NAALADL2: variants seen among roughly 807,000 people sequenced by gnomAD.
The protein encoded by NAALADL2 is inactive N-acetylated-alpha-linked acidic dipeptidase-like protein 2.
In NAALADL2, 76 loss-of-function variants were observed where a neutral mutation model predicts 87.2. The observed-to-expected ratio is 0.87, with a 90% confidence interval of 0.72 to 1.05. The LOEUF (loss-of-function observed/expected upper bound fraction) is 1.05, where lower values mean the gene tolerates loss of function less well. NAALADL2 is among the 50% of genes least tolerant of loss of function. The probability of loss-of-function intolerance (pLI) is 0.00; values close to 1 mark genes in which losing one functional copy is unlikely to be tolerated. For missense variants in NAALADL2, 1,089 were observed against 945.8 expected (o/e 1.15, Z -1.99); for synonymous variants, 354 against 331.0 (o/e 1.07, Z -0.75).
intron 2 of NAALADL2, among the ~76,000 whole-genome samples, chr3:175,107,529 CACACAA>C (rs1723400143): frequency 2.0e-5 from 3 of 151,310 alleles, no homozygotes; most frequent in African/African-American, 4.9e-5. Flanking sequence ...CACACACACA[CACACAA>C]ACACACACAC....
At chr3:174,545,207 T>C (rs1019133472) in intron 1 of NAALADL2, among the ~76,000 whole-genome samples, 37 of 152,320 alleles carry the variant, frequency 2.4e-4, no homozygotes, top group Admixed American at 1.2e-3. Context: ...GTCGAATTCA[T>C]AAAATAACCC....
At chr3:175,069,689 A>G (rs1238433809) in intron 1 of NAALADL2, among the ~76,000 whole-genome samples, 1,804 of 149,554 alleles carry the variant, frequency 0.012, 16 homozygotes, top group Non-Finnish European at 0.018. Flanking sequence ...TATAAATCAT[A>G]CTGCTATAAA....
intron 2 of NAALADL2, among the ~76,000 whole-genome samples, chr3:174,624,610 C>T (rs572418527): frequency 3.1e-5 from 4 of 130,484 alleles, no homozygotes; most frequent in Admixed American, 8.3e-5. Flanking sequence ...GGCGACAGAG[C>T]GAGACTCCAT....
intron 2 of NAALADL2, among the ~76,000 whole-genome samples, chr3:175,183,979 C>A (rs1310060467): frequency 7.3e-6 from 1 of 136,324 alleles, no homozygotes; most frequent in South Asian, 2.4e-4. Flanking sequence ...GACTGTTTCC[C>A]TTTATTTTTC....
At chr3:174,635,596 G>A (rs537615230) in intron 2 of NAALADL2, among the ~76,000 whole-genome samples, 18 of 150,880 alleles carry the variant, frequency 1.2e-4, no homozygotes, top group Non-Finnish European at 2.2e-4. Flanking sequence ...TCTGCCTCCC[G>A]GGTTCCAGCA....
At chr3:174,998,656 C>T (rs926618982) in intron 1 of NAALADL2, among the ~76,000 whole-genome samples, 3 of 152,148 alleles carry the variant, frequency 2.0e-5, no homozygotes, top group Admixed American at 6.5e-5. Flanking sequence ...AAGTAATCTG[C>T]ATGTTGAGTC....
rs983581933 is a variant in NAALADL2, at chr3:175,363,092, G to A, written c.1090+38767G>A. On this transcript the variant is annotated intron_variant, in intron 5 of 13. Transcript: ENST00000454872. The stretch of plus-strand genomic sequence containing the variant: ...CTTGTTGTATTCTCTTATCTTGTTT[G>A]TTTGTTTCTGTCCCTGGAATGTACC... Among the ~76,000 whole-genome samples, 3 of 147,072 alleles carry A rather than the reference G, an allele frequency of 2.0e-5. 1 individual carries two copies. The highest frequency in any genetic ancestry group is 4.5e-5 in the Non-Finnish European group (3 of 66,324).
At chr3:174,682,527 C>T (rs1399992938) in intron 2 of NAALADL2, among the ~76,000 whole-genome samples, 1 of 152,158 alleles carries the variant, frequency 6.6e-6, no homozygotes, top group South Asian at 2.1e-4. Context: ...TGTTTTACCC[C>T]TCCCCCAACT....
chr3:174,752,859 G>A (rs1734974136), intron 3 of NAALADL2, among the ~76,000 whole-genome samples: 1 of 152,124 alleles, frequency 6.6e-6, no homozygotes, highest in South Asian at 2.1e-4. Context: ...ATATAAAATA[G>A]CATGGCATCT....
intron 3 of NAALADL2, among the ~76,000 whole-genome samples, chr3:174,825,061 T>C (rs555240215): frequency 1.3e-5 from 2 of 152,326 alleles, no homozygotes; most frequent in East Asian, 3.9e-4. Context: ...TTTTTATCTC[T>C]AGGCTTTCTC....
chr3:175,411,755 G>A (rs566587477), intron 5 of NAALADL2, among the ~76,000 whole-genome samples: 1 of 152,024 alleles, frequency 6.6e-6, no homozygotes, highest in Non-Finnish European at 1.5e-5. Context: ...TTTTAATTTT[G>A]TCTGGTAATG....
intron 6 of NAALADL2, among the ~76,000 whole-genome samples, chr3:175,448,424 T>C (rs1721032605): frequency 6.6e-6 from 1 of 152,130 alleles, no homozygotes; most frequent in South Asian, 2.1e-4. Flanking sequence ...AATAATAGTG[T>C]AGTTGTAAGA....
chr3:175,282,431 T>G (rs1019523196), intron 4 of NAALADL2, among the ~76,000 whole-genome samples: 2 of 152,072 alleles, frequency 1.3e-5, no homozygotes, highest in Non-Finnish European at 2.9e-5. Flanking sequence ...CTTTTACAAT[T>G]TTAAAACCAC....
chr3:175,668,339 T>A (rs998441321), intron 11 of NAALADL2, among the ~76,000 whole-genome samples: 1 of 152,182 alleles, frequency 6.6e-6, no homozygotes, highest in Non-Finnish European at 1.5e-5. Flanking sequence ...AGATCTTTTT[T>A]ATGAGCTATT....
intron 3 of NAALADL2, among the ~76,000 whole-genome samples, chr3:174,756,928 A>G (rs973319581): frequency 6.6e-6 from 1 of 150,744 alleles, no homozygotes. Flanking sequence ...TTCCTTTTAC[A>G]TATTTCTTGA....
At chr3:175,794,849 A>G (rs1235193916) in intron 13 of NAALADL2, among the ~76,000 whole-genome samples, 1 of 152,224 alleles carries the variant, frequency 6.6e-6, no homozygotes, top group Non-Finnish European at 1.5e-5. Context: ...ACAACATACT[A>G]TAGACTGGGT....
chr3:174,681,515 T>A (rs530655451), intron 2 of NAALADL2, among the ~76,000 whole-genome samples: 1 of 152,106 alleles, frequency 6.6e-6, no homozygotes, highest in South Asian at 2.1e-4. Context: ...CACAAAAGGA[T>A]AGGACTCCAA....
chr3:174,807,663 A>C (rs533067301), intron 3 of NAALADL2, among the ~76,000 whole-genome samples: 3 of 151,924 alleles, frequency 2.0e-5, no homozygotes, highest in Non-Finnish European at 4.4e-5. Context: ...AAATATATTT[A>C]TTTCTTTCCC....
intron 2 of NAALADL2, among the ~76,000 whole-genome samples, chr3:174,646,534 C>T (rs1723796809): frequency 6.6e-6 from 1 of 151,686 alleles, no homozygotes; most frequent in South Asian, 2.1e-4. Context: ...TAGAATTTGG[C>T]TGAAACAAAA....
Sources: allele counts gnomAD v4.1 joint callset (sites outside exome capture counted in the v4.1 genomes callset), GRCh38; gene constraint gnomAD v4.1.1; transcripts MANE v1.5; gene names NCBI Gene and HGNC (gene_info 2026-07-23, HGNC 2026-07-21).